The following DPP10 variants were observed in gnomAD, a reference collection of about 807,000 sequenced individuals.
The protein encoded by DPP10 is dipeptidyl peptidase like 10.
DPP10 carries 33 observed loss-of-function variants against 120.9 expected under a neutral mutation model. The observed-to-expected ratio is 0.27, with a 90% CI of 0.21 to 0.37. The LOEUF is 0.37. DPP10 is among the 10% of genes least tolerant of loss of function. DPP10 has a pLI of 1.00. For missense variants in DPP10, 816 were observed against 942.8 expected (o/e 0.87, Z 1.76); for synonymous variants, 337 against 326.1 (o/e 1.03, Z -0.36).
At chr2:115,277,139 A>G (rs915827824) in intron 1 of DPP10, among the ~76,000 whole-genome samples, 4 of 152,232 alleles carry the variant, frequency 2.6e-5, no homozygotes, top group Non-Finnish European at 5.9e-5. Context: ...ATTATTAAAG[A>G]AATAACATTT....
chr2:115,216,526 G>A (rs2056829849), intron 1 of DPP10, among the ~76,000 whole-genome samples: 1 of 152,160 alleles, frequency 6.6e-6, no homozygotes, highest in Non-Finnish European at 1.5e-5. Flanking sequence ...GCTCGTGCCT[G>A]TAATCCAAGC....
At chr2:115,299,169 T>C (rs2061015594) in intron 1 of DPP10, among the ~76,000 whole-genome samples, 1 of 152,048 alleles carries the variant, frequency 6.6e-6, no homozygotes, top group Non-Finnish European at 1.5e-5. Context: ...TTTAAAAATA[T>C]CTTGTCCGTG....
chr2:114,599,253 G>A (rs1692172680), intron 1 of DPP10, among the ~76,000 whole-genome samples: 1 of 151,832 alleles, frequency 6.6e-6, no homozygotes, highest in South Asian at 2.1e-4. Flanking sequence ...AAATATGCAT[G>A]CAATGAAATG....
chr2:114,882,118 T>TAAAC (rs925015174), intron 1 of DPP10, among the ~76,000 whole-genome samples: 17 of 149,978 alleles, frequency 1.1e-4, no homozygotes, highest in Non-Finnish European at 2.1e-4. Flanking sequence ...AATAAATAAA[T>TAAAC]AATAAAATGA....
In DPP10 at chr2:115,717,288, A is replaced by G. The variant is rs181248376; in HGVS notation, c.577-10528A>G. ...CTTCAAGAGAAAATGAATTCATTAA[A>G]AATATTACTGGGTGCAGCACACCAA... On this transcript the variant is annotated intron_variant, in intron 7 of 25. Coordinates refer to ENST00000410059, the MANE Select transcript of DPP10 (RefSeq NM_020868.6). Among the ~76,000 whole-genome samples, 29 of 152,340 alleles carry G rather than the reference A, an allele frequency of 1.9e-4. No homozygotes were observed. In the East Asian group the frequency reaches 5.4e-3, roughly 28 times the overall value.
At chr2:114,776,944 A>G (rs539482102) in intron 1 of DPP10, among the ~76,000 whole-genome samples, 16 of 152,208 alleles carry the variant, frequency 1.1e-4, no homozygotes, top group Admixed American at 9.8e-4. Flanking sequence ...AAAAGAAGGC[A>G]TAAGAATTTC....
intron 1 of DPP10, among the ~76,000 whole-genome samples, chr2:114,711,369 G>A (rs1273056621): frequency 6.6e-6 from 1 of 152,198 alleles, no homozygotes; most frequent in Admixed American, 6.5e-5. Flanking sequence ...CAAGGAGAAT[G>A]TGTTGAAGAT....
intron 1 of DPP10, among the ~76,000 whole-genome samples, chr2:115,294,994 G>A (rs1304356337): frequency 2.0e-5 from 3 of 151,928 alleles, no homozygotes; most frequent in Admixed American, 2.0e-4. Flanking sequence ...GCAAAACAAA[G>A]GAAAACTCTT....
intron 1 of DPP10, among the ~76,000 whole-genome samples, chr2:114,780,050 G>T (rs926897871): frequency 1.3e-5 from 2 of 151,920 alleles, no homozygotes; most frequent in African/African-American, 4.8e-5. Context: ...GCAGGAGAAT[G>T]GTGTGAACCC....
chr2:115,567,376 A>G (rs2081067657), intron 5 of DPP10, among the ~76,000 whole-genome samples: 1 of 152,036 alleles, frequency 6.6e-6, no homozygotes, highest in Non-Finnish European at 1.5e-5. Flanking sequence ...TTATCTTTCC[A>G]GTGTTTCTTT....
intron 1 of DPP10, among the ~76,000 whole-genome samples, chr2:114,506,628 G>T (rs1683682392): frequency 6.6e-6 from 1 of 152,084 alleles, no homozygotes; most frequent in African/African-American, 2.4e-5. Context: ...TGTGGGGTCT[G>T]CACAAAGTTT....
chr2:115,661,808 A>G (rs567991322), intron 5 of DPP10, among the ~76,000 whole-genome samples: 2 of 152,334 alleles, frequency 1.3e-5, no homozygotes, highest in East Asian at 3.9e-4. Context: ...GAAACACTCA[A>G]TTACCACAAT....
intron 1 of DPP10, among the ~76,000 whole-genome samples, chr2:115,082,672 G>A (rs909639689): frequency 2.6e-5 from 4 of 152,114 alleles, no homozygotes; most frequent in Non-Finnish European, 5.9e-5. Flanking sequence ...ATTACTGGAC[G>A]ATTTGAGTCC....
intron 1 of DPP10, among the ~76,000 whole-genome samples, chr2:114,760,185 G>A (rs1176613033): frequency 6.6e-6 from 1 of 152,082 alleles, no homozygotes; most frequent in African/African-American, 2.4e-5. Flanking sequence ...CAGCAGCTAT[G>A]AGCATTGGCT....
chr2:115,013,658 CAAAAAA>C (rs59313783), intron 1 of DPP10, among the ~76,000 whole-genome samples: 1 of 58,412 alleles, frequency 1.7e-5, no homozygotes, highest in Admixed American at 2.0e-4. Context: ...AAATGGAAAG[CAAAAAA>C]AAAAAAAAAA....
intron 1 of DPP10, among the ~76,000 whole-genome samples, chr2:114,995,056 C>T (rs1246376683): frequency 6.6e-6 from 1 of 152,136 alleles, no homozygotes; most frequent in East Asian, 1.9e-4. Context: ...TGTTAGCAAA[C>T]GTGAAGTAAG....
At chr2:115,163,872 T>C (rs1381007305) in intron 1 of DPP10, among the ~76,000 whole-genome samples, 1 of 152,218 alleles carries the variant, frequency 6.6e-6, no homozygotes. Context: ...GCTGAAAATG[T>C]ATGTGTAGAT....
intron 19 of DPP10, among the ~76,000 whole-genome samples, chr2:115,805,405 T>G (rs1189067221): frequency 1.3e-5 from 2 of 152,026 alleles, no homozygotes; most frequent in African/African-American, 4.8e-5. Context: ...TCGCCCTGCT[T>G]TGGCTCACAC....
chr2:115,270,804 T>G lies in DPP10; in HGVS notation c.61-38435T>G, dbSNP rs933805844. ...GACAAGATTTGGGACTACAAAACAT[T>G]CTCGAGGTAGTGTTCCAGGAAGCTA... On this transcript the variant is annotated intron_variant, in intron 1 of 25. Transcript: ENST00000410059. Among the ~76,000 whole-genome samples, 4 of 152,202 alleles carry G rather than the reference T, an allele frequency of 2.6e-5. 1 individual carries two copies. The highest frequency in any genetic ancestry group is 4.4e-5 in the Non-Finnish European group (3 of 68,036).
Sources: allele counts gnomAD v4.1 joint callset (sites outside exome capture counted in the v4.1 genomes callset), GRCh38; gene constraint gnomAD v4.1.1; transcripts MANE v1.5; gene names NCBI Gene and HGNC (gene_info 2026-07-23, HGNC 2026-07-21).